The following NDST3 variants were observed in gnomAD, a reference collection of about 807,000 sequenced individuals.
NDST3 encodes N-deacetylase and N-sulfotransferase 3, also known as bifunctional heparan sulfate N-deacetylase/N-sulfotransferase 3.
NDST3 carries 58 observed loss-of-function variants against 96.1 expected under a neutral mutation model. That is an observed-to-expected ratio of 0.60 (90% confidence interval 0.49 to 0.75). The LOEUF (loss-of-function observed/expected upper bound fraction) is 0.75, where lower values mean the gene tolerates loss of function less well. NDST3 is among the 30% of genes least tolerant of loss of function. The pLI, the probability that NDST3 is intolerant of heterozygous loss-of-function variation, is 0.00. For synonymous variants in NDST3, 333 were observed against 359.7 expected (o/e 0.93, Z 0.84); for missense variants, 788 against 1,034.2 (o/e 0.76, Z 3.27).
In NDST3 at chr4:118,207,400, G is replaced by A. The variant is rs182000688; in HGVS notation, c.1540-17091G>A. On this transcript the variant is annotated intron_variant, in intron 6 of 13. Coordinates refer to ENST00000296499, the MANE Select transcript of NDST3 (RefSeq NM_004784.3). ...GTATTATGCCATGTTATGGCATGAA[G>A]CAGATGAGTGTAGATTTGCGTGCTT... Among the ~76,000 whole-genome samples, 172 of 144,968 alleles carry A rather than the reference G, an allele frequency of 1.2e-3. 11 individuals are homozygous for A. The East Asian group carries it at 0.033, about 28-fold the overall frequency.
intron 6 of NDST3, among the ~76,000 whole-genome samples, chr4:118,146,727 G>A (rs1733974638): frequency 6.6e-6 from 1 of 152,208 alleles, no homozygotes; most frequent in African/African-American, 2.4e-5. Flanking sequence ...CTCTAAATGA[G>A]CTTTTCCAAT....
At chr4:118,076,848 G>A (rs1051788734) in intron 2 of NDST3, among the ~76,000 whole-genome samples, 2 of 152,138 alleles carry the variant, frequency 1.3e-5, no homozygotes, top group Admixed American at 6.6e-5. Context: ...TACTTCAGTC[G>A]TTTTGAGGTA....
chr4:118,096,139 G>C (rs13114621), intron 2 of NDST3, among the ~76,000 whole-genome samples: 114,255 of 151,724 alleles, frequency 0.75, 45,667 homozygotes, highest in South Asian at 0.92. Flanking sequence ...TTTTTGAGTA[G>C]TCACCAAAAT....
At chr4:118,046,294 T>A (rs544554881) in intron 1 of NDST3, among the ~76,000 whole-genome samples, 1 of 152,134 alleles carries the variant, frequency 6.6e-6, no homozygotes, top group Non-Finnish European at 1.5e-5. Context: ...GGGGATCTGA[T>A]TGGAGAGTAG....
intron 6 of NDST3, among the ~76,000 whole-genome samples, chr4:118,186,855 T>C (rs1232481810): frequency 6.6e-6 from 1 of 152,222 alleles, no homozygotes; most frequent in Non-Finnish European, 1.5e-5. Flanking sequence ...AGTCATCATG[T>C]CCTCATGGTC....
chr4:118,126,521 T>TATATATATATACACAC (rs760487015), intron 4 of NDST3, among the ~76,000 whole-genome samples: 2 of 112,806 alleles, frequency 1.8e-5, no homozygotes, highest in African/African-American at 9.6e-5. Context: ...TGTGTATATA[T>TATATATATATACACAC]ATATATATAT....
intron 2 of NDST3, among the ~76,000 whole-genome samples, chr4:118,077,743 A>G (rs551448777): frequency 2.0e-5 from 3 of 152,346 alleles, no homozygotes; most frequent in Non-Finnish European, 4.4e-5. Context: ...CACCCAAGCC[A>G]GCAAGTCTCA....
intron 6 of NDST3, among the ~76,000 whole-genome samples, chr4:118,156,717 GA>G (rs1380565594): frequency 6.6e-6 from 1 of 152,100 alleles, no homozygotes; most frequent in African/African-American, 2.4e-5. Context: ...CTCATAATAA[GA>G]AAAATGCAAA....
At chr4:118,174,201 T>A (rs1027818468) in intron 6 of NDST3, among the ~76,000 whole-genome samples, 18 of 152,228 alleles carry the variant, frequency 1.2e-4, no homozygotes, top group African/African-American at 4.1e-4. Context: ...CTGGAAACTG[T>A]TAACTGCAAA....
At chr4:118,079,831 T>C (rs1578596177) in intron 2 of NDST3, among the ~76,000 whole-genome samples, 1 of 152,302 alleles carries the variant, frequency 6.6e-6, no homozygotes, top group East Asian at 1.9e-4. Context: ...ATAAAGATGG[T>C]GAGAAGTTAA....
At chr4:118,160,657 C>T (rs994624848) in intron 6 of NDST3, among the ~76,000 whole-genome samples, 3 of 152,110 alleles carry the variant, frequency 2.0e-5, no homozygotes, top group Non-Finnish European at 2.9e-5. Flanking sequence ...TCCAGTTGAT[C>T]GCATCGGCTC....
intron 4 of NDST3, among the ~76,000 whole-genome samples, chr4:118,135,724 G>T (rs1733024718): frequency 6.6e-6 from 1 of 152,050 alleles, no homozygotes; most frequent in African/African-American, 2.4e-5. Flanking sequence ...AATAAAAGAT[G>T]AAACTAAAAA....
intron 10 of NDST3, among the ~76,000 whole-genome samples, chr4:118,238,227 AAGAAAG>A: frequency 7.1e-6 from 1 of 141,190 alleles, no homozygotes; most frequent in South Asian, 2.2e-4. Context: ...AAGAAAGAAA[AAGAAAG>A]AAGAAAAAAA....
Position 118,224,509 on chromosome 4 carries a change from C to A in NDST3, c.1558C>A (p.His520Asn), listed in dbSNP as rs1409280604. The change falls in exon 7 of 14, where the codon CAT (histidine) becomes AAT (asparagine). Residue 520 changes from histidine (H) to asparagine (N), a missense_variant. Transcript: ENST00000296499. ...VLNPISIFMT[H>N]LSNYGNDRLG... is the part of the protein sequence containing the mutation. ...TTTTCAGATCAGCATTTTCATGACC[C>A]ATTTGTCCAACTATGGGAATGACCG... The A allele has an allele frequency of 6.2e-7, 1 of 1,605,140 alleles. No homozygotes were observed. The highest frequency in any genetic ancestry group is 1.3e-5 in the African/African-American group (1 of 74,726).
rs1254200101 is a variant in NDST3 at position 118,208,404 on chromosome 4, C to G, written c.1540-16087C>G. ...TCTTTCCCCCATCTCTGCAGAGATG[C>G]CTTTCTAGGTATTTTGCTTTTAATT... On this transcript the variant is annotated intron_variant, in intron 6 of 13. Coordinates refer to ENST00000296499, the MANE Select transcript of NDST3 (RefSeq NM_004784.3). Among the ~76,000 whole-genome samples the G allele has an allele frequency of 2.1e-5, 3 of 143,874 alleles. 1 individual carries two copies. The highest frequency in any genetic ancestry group is 1.4e-4 in the Admixed American group (2 of 14,524). The allele number at this position is 143,874 out of a possible 152,430, so 94.4% of individuals were successfully genotyped here.
chr4:118,113,135 A>T (rs892504461), intron 3 of NDST3, among the ~76,000 whole-genome samples: 1 of 152,138 alleles, frequency 6.6e-6, no homozygotes, highest in African/African-American at 2.4e-5. Flanking sequence ...CAAAAATAAA[A>T]TAGGTACTGC....
intron 2 of NDST3, among the ~76,000 whole-genome samples, chr4:118,069,799 GTGTT>G (rs1726899703): frequency 1.2e-5 from 1 of 84,302 alleles, no homozygotes; most frequent in East Asian, 3.7e-4. Flanking sequence ...TTCCATTGGA[GTGTT>G]TGTTTTTGAC....
At chr4:118,134,047 C>T (rs989582959) in intron 4 of NDST3, among the ~76,000 whole-genome samples, 3 of 152,164 alleles carry the variant, frequency 2.0e-5, no homozygotes, top group African/African-American at 4.8e-5. Context: ...GTTTTAATGT[C>T]GACTTCATTT....
chr4:118,235,930 A>G (rs1740614233), intron 9 of NDST3, among the ~76,000 whole-genome samples: 1 of 152,242 alleles, frequency 6.6e-6, no homozygotes, highest in Non-Finnish European at 1.5e-5. Flanking sequence ...ATATGTTAAC[A>G]ACTGGAATCC....
Sources: gnomAD v4.1 joint callset for allele counts (sites outside exome capture counted in the v4.1 genomes callset) on GRCh38, gnomAD v4.1.1 for gene constraint, MANE v1.5 for transcripts, NCBI Gene and HGNC (gene_info 2026-07-23, HGNC 2026-07-21) for gene names.